Variants in CFAP91 observed in about 807,000 individuals in gnomAD.
CFAP91 encodes the protein cilia- and flagella-associated protein 91.
CFAP91 carries 85 observed loss-of-function variants against 95.9 expected under a neutral mutation model. That is an observed-to-expected ratio of 0.89 (90% CI 0.74 to 1.06). The LOEUF (loss-of-function observed/expected upper bound fraction) is 1.06. CFAP91 is among the 50% of genes least tolerant of loss of function. The pLI, the probability that CFAP91 is intolerant of heterozygous loss-of-function variation, is 0.00. For synonymous variants in CFAP91, 335 were observed against 327.5 expected, an observed-to-expected ratio of 1.02 and a Z score of -0.25; for missense variants, 962 against 943.4, an observed-to-expected ratio of 1.02 and a Z score of -0.26.
At chr3:119,748,020 G>A in intron 16 of CFAP91, 118 bp downstream of exon 16, 1 of 753,802 alleles carries the variant, frequency 1.3e-6, no homozygotes, top group East Asian at 2.7e-5. Context: ...GGATCACTGA[G>A]TTTTCTTATT....
chr3:119,740,460 G>A lies in CFAP91; in HGVS notation c.1534-89G>A, dbSNP rs188958135. 1.2e-5 allele frequency: 18 copies of A among 1,455,748 alleles called. No individual in the cohort carries two copies. The Admixed American group carries it at 2.4e-4, about 19-fold the overall frequency. The allele number at this position is 1,455,748 out of a possible 1,614,324, so 90.2% of individuals were successfully genotyped here. A position where few individuals can be genotyped will look rare whatever the true frequency, so the allele number is the denominator to read the frequency against. ...GCAGGACAGAACCCACTGTTCACAAGTGTCTCACAAGTCACTGCGTGTGAC... is the reference window on the plus strand; with the variant it reads ...GCAGGACAGAACCCACTGTTCACAAATGTCTCACAAGTCACTGCGTGTGAC... On this transcript the variant is annotated intron_variant, in intron 12 of 17. Coordinates refer to ENST00000273390, the MANE Select transcript of CFAP91 (RefSeq NM_033364.4).
At chr3:119,718,055 T>C (rs1348051422) in intron 6 of CFAP91, among the ~76,000 whole-genome samples, 1 of 152,026 alleles carries the variant, frequency 6.6e-6, no homozygotes, top group African/African-American at 2.4e-5. Context: ...CCAGGGTGCT[T>C]ATGAGAGAAA....
In CFAP91 at chr3:119,732,384, A is replaced by G; in HGVS notation, c.1109A>G (p.Gln370Arg). 6.2e-7 allele frequency: 1 copy of G among 1,612,984 alleles called. No individual in the cohort carries two copies. Among genetic ancestry groups the G allele is most frequent in the East Asian group, 2.2e-5 (1 of 44,866 alleles). ...AAGGATTATTCTGATTATGCATCACAGGTCTATGGACCTCTGTCTCGTCTT... is the reference window on the plus strand; with the variant it reads ...AAGGATTATTCTGATTATGCATCACGGGTCTATGGACCTCTGTCTCGTCTT... ...IIKDYSDYAS[Q>R]VYGPLSRLGC... The change falls in exon 9 of 18, where the codon CAG becomes CGG. Residue 370 changes from glutamine to arginine, a missense_variant. Transcript: ENST00000273390.
At chr3:119,705,560 A>G (rs1375087228) in intron 1 of CFAP91, among the ~76,000 whole-genome samples, 1 of 152,206 alleles carries the variant, frequency 6.6e-6, no homozygotes, top group Non-Finnish European at 1.5e-5. Flanking sequence ...ATATCTAACT[A>G]GCTAACTCCC....
intron 17 of CFAP91, among the ~76,000 whole-genome samples, chr3:119,762,917 T>C (rs1287811508): frequency 6.6e-6 from 1 of 152,054 alleles, no homozygotes; most frequent in African/African-American, 2.4e-5. Flanking sequence ...TGGATGGTGA[T>C]CTTTTGGATA....
At chr3:119,704,173 C>T (rs879458098) in intron 1 of CFAP91, among the ~76,000 whole-genome samples, 3 of 152,158 alleles carry the variant, frequency 2.0e-5, no homozygotes, top group African/African-American at 7.2e-5. Context: ...AAACACATCA[C>T]CATGTTTTTT....
chr3:119,707,744 T>C (rs2053397217), intron 3 of CFAP91, among the ~76,000 whole-genome samples, 183 bp downstream of exon 3: 1 of 148,788 alleles, frequency 6.7e-6, no homozygotes, highest in African/African-American at 2.4e-5. Flanking sequence ...TATATATATA[T>C]ATATAATTTT....
chr3:119,748,120 A>G (rs1326169966), intron 16 of CFAP91, among the ~76,000 whole-genome samples: 3 of 152,230 alleles, frequency 2.0e-5, no homozygotes. Flanking sequence ...TAAGAGTGAC[A>G]GTATCAAAAT....
chr3:119,748,047 T>C (rs947520608), intron 16 of CFAP91, 145 bp downstream of exon 16: 2 of 646,072 alleles, frequency 3.1e-6, no homozygotes, highest in Non-Finnish European at 5.3e-6. Flanking sequence ...CTTGTCAGGT[T>C]CTCTTCATGC....
intron 6 of CFAP91, among the ~76,000 whole-genome samples, chr3:119,720,335 T>A (rs1359362946): frequency 6.7e-6 from 1 of 148,184 alleles, no homozygotes; most frequent in African/African-American, 2.5e-5. Flanking sequence ...AGGCTCTGCT[T>A]GCAGTGAGCC....
At chr3:119,735,646 T>C (rs796237463) in intron 10 of CFAP91, among the ~76,000 whole-genome samples, 41 of 152,304 alleles carry the variant, frequency 2.7e-4, no homozygotes, top group African/African-American at 9.9e-4. Flanking sequence ...TGTGGACCAG[T>C]ATATGATTAT....
intron 17 of CFAP91, among the ~76,000 whole-genome samples, chr3:119,753,691 T>C (rs997073621): frequency 2.0e-5 from 3 of 152,090 alleles, no homozygotes; most frequent in Non-Finnish European, 4.4e-5. Context: ...GTTATTGGGG[T>C]ATAGGTGGTA....
chr3:119,739,458 C>A, intron 12 of CFAP91, 132 bp downstream of exon 12: 1 of 759,638 alleles, frequency 1.3e-6, no homozygotes, highest in South Asian at 1.8e-5. Context: ...TCTTGAGTTG[C>A]CTACCCATTT....
In CFAP91 at chr3:119,739,310, G is replaced by A. The variant is rs780144917; in HGVS notation, c.1517G>A (p.Arg506Lys). 1.2e-6 allele frequency: 2 copies of A among 1,614,158 alleles called. No homozygotes were observed. Among genetic ancestry groups the A allele is most frequent in the South Asian group, 2.2e-5 (2 of 91,082 alleles). Residue 506 changes from arginine to lysine, a missense_variant, in exon 12 of 18, where the codon AGA becomes AAA. By Grantham distance (26) the Arg-to-Lys change is conservative (BLOSUM62 2). Coordinates refer to ENST00000273390, the MANE Select transcript of CFAP91 (RefSeq NM_033364.4). ...VIYLQKLLRGRVVQNMMFEGK... is the reference protein window; with the variant it reads ...VIYLQKLLRGKVVQNMMFEGK... ...TACCTTCAAAAGTTACTCCGGGGCA[G>A]AGTCGTTCAGAACATGGTGTGTAGG... is the stretch of plus-strand genomic sequence containing the variant.
intron 5 of CFAP91, chr3:119,713,194 G>A (rs150768351): frequency 0.11 from 17,147 of 149,588 alleles, 1,307 homozygotes; most frequent in East Asian, 0.19. Context: ...ATCTCGGCTC[G>A]CTGCAACCTC....
intron 13 of CFAP91, 80 bp downstream of exon 13, chr3:119,740,775 T>C (rs2054102204): frequency 6.9e-7 from 1 of 1,459,836 alleles, no homozygotes; most frequent in South Asian, 1.2e-5. Flanking sequence ...ACCATTATAA[T>C]AAAAATTAAT....
rs75410918 is a variant in CFAP91, at chr3:119,750,994, C to T, written c.2201C>T (p.Thr734Met). ...GCCCATCAGATCATCCACAGTTACA[C>T]GGAAAGCATGGTTCAAAAGAAATTA... ...LAAHQIIHSY[T>M]ESMVQKKLTE... The change falls in exon 17 of 18, where the codon ACG (threonine) becomes ATG (methionine). Residue 734 changes from threonine (T) to methionine (M), a missense_variant. Physicochemically the swap from Thr to Met is moderately conservative, Grantham distance 81. Transcript: ENST00000273390. 2,511 of 1,613,864 alleles carry T rather than the reference C, an allele frequency of 1.6e-3. 43 individuals are homozygous for T. The African/African-American group carries it at 0.027, about 17-fold the overall frequency.
At chr3:119,703,293 C>A (rs1407988433) in intron 1 of CFAP91, 71 bp downstream of exon 1, 1 of 1,584,128 alleles carries the variant, frequency 6.3e-7, no homozygotes, top group Non-Finnish European at 8.6e-7. Flanking sequence ...GATGGTGGGA[C>A]CTGGCCAGGG....
intron 6 of CFAP91, among the ~76,000 whole-genome samples, chr3:119,717,221 T>C (rs2053592044): frequency 6.6e-6 from 1 of 152,092 alleles, no homozygotes; most frequent in South Asian, 2.1e-4. Flanking sequence ...CCAATAAAGA[T>C]TATAGACAGA....
Sources: gnomAD v4.1 joint callset for allele counts (sites outside exome capture counted in the v4.1 genomes callset) on GRCh38, gnomAD v4.1.1 for gene constraint, MANE v1.5 for transcripts, NCBI Gene and HGNC (gene_info 2026-07-23, HGNC 2026-07-21) for gene names.